The following KAT2B variants were observed in gnomAD, a reference collection of about 807,000 sequenced individuals.
The protein encoded by KAT2B is histone acetyltransferase KAT2B.
In KAT2B, 36 loss-of-function variants were observed where a neutral mutation model predicts 105.9. The ratio of observed to expected loss-of-function variants is 0.34; its 90% CI spans 0.26 to 0.45. KAT2B has a LOEUF of 0.45. KAT2B is among the 20% of genes least tolerant of loss of function. The probability of loss-of-function intolerance (pLI) is 1.00; values close to 1 mark genes in which losing one functional copy is unlikely to be tolerated. For missense variants in KAT2B, 820 were observed against 1,021.6 expected (o/e 0.80, Z 2.69); for synonymous variants, 397 against 377.9 (o/e 1.05, Z -0.59).
intron 1 of KAT2B, among the ~76,000 whole-genome samples, chr3:20,070,737 G>A (rs377268559): frequency 2.6e-4 from 39 of 151,904 alleles, no homozygotes; most frequent in East Asian, 2.1e-3. Flanking sequence ...TGCTGGTCAC[G>A]GTGGCGCACG....
intron 9 of KAT2B, 47 bp downstream of exon 9, chr3:20,122,851 C>G (rs1476380291): frequency 3.2e-6 from 5 of 1,558,546 alleles, no homozygotes; most frequent in Non-Finnish European, 4.3e-6. Context: ...CTCTTCTGCT[C>G]TCCTGGCCAC....
chr3:20,136,119 A>G (rs1488139765), intron 11 of KAT2B, among the ~76,000 whole-genome samples: 1 of 152,182 alleles, frequency 6.6e-6, no homozygotes, highest in Non-Finnish European at 1.5e-5. Context: ...ATACCTGGGA[A>G]TATATTTGAG....
chr3:20,094,592 A>G (rs1396749033), intron 2 of KAT2B, among the ~76,000 whole-genome samples: 7 of 152,212 alleles, frequency 4.6e-5, no homozygotes, highest in East Asian at 3.8e-4. Context: ...GAGAGAGTCA[A>G]TGGACAGGTC....
At chr3:20,148,625 G>C in intron 17 of KAT2B, 138 bp downstream of exon 17, 1 of 640,520 alleles carries the variant, frequency 1.6e-6, no homozygotes, top group Non-Finnish European at 2.7e-6. Context: ...TCCATGCACC[G>C]TGGCGGGTCA....
At chr3:20,105,558 C>CTTGAGCCCAGGAGT (rs1303576257) in intron 5 of KAT2B, among the ~76,000 whole-genome samples, 1 of 152,094 alleles carries the variant, frequency 6.6e-6, no homozygotes, top group African/African-American at 2.4e-5. Flanking sequence ...GAGAGGATCG[C>CTTGAGCCCAGGAGT]TTGAGCCCAG....
chr3:20,075,777 G>GAGCAACCTACAGC (rs1361645086), intron 2 of KAT2B, among the ~76,000 whole-genome samples: 2 of 151,988 alleles, frequency 1.3e-5, no homozygotes, highest in Admixed American at 1.3e-4. Context: ...CAGCAACCTG[G>GAGCAACCTACAGC]AAGCTTGAGC....
At chr3:20,069,839 T>C (rs994828630) in intron 1 of KAT2B, among the ~76,000 whole-genome samples, 2 of 152,124 alleles carry the variant, frequency 1.3e-5, no homozygotes, top group Admixed American at 1.3e-4. Flanking sequence ...AAGCTTTTCT[T>C]GTATCTGCAT....
chr3:20,085,685 G>C lies in KAT2B; in HGVS notation c.431-9578G>C, dbSNP rs187726337. 1.4e-3 allele frequency among the ~76,000 whole-genome samples: 206 copies of C among 151,620 alleles called. 8 individuals are homozygous for C. The East Asian group carries it at 0.036, about 26-fold the overall frequency. ...ACCACCACACCCGGCTATTTTTTGTGTTTTTAGTAGAGACAGGGTTTTGCC... is the reference window on the plus strand; with the variant it reads ...ACCACCACACCCGGCTATTTTTTGTCTTTTTAGTAGAGACAGGGTTTTGCC... On this transcript the variant is annotated intron_variant, in intron 2 of 17. Coordinates refer to ENST00000263754, the MANE Select transcript of KAT2B (RefSeq NM_003884.5).
At chr3:20,095,051 A>C (rs1260137601) in intron 2 of KAT2B, among the ~76,000 whole-genome samples, 1 of 152,114 alleles carries the variant, frequency 6.6e-6, no homozygotes, top group Admixed American at 6.6e-5. Flanking sequence ...TTGGGTGGGG[A>C]GGCTAAGGCT....
rs1697694562 is a variant in KAT2B, at chr3:20,040,586, C to T, written c.109C>T (p.Pro37Ser). 3.4e-6 allele frequency: 4 copies of T among 1,181,240 alleles called. No individual in the cohort carries two copies. Among genetic ancestry groups the T allele is most frequent in the Middle Eastern group, 3.4e-4 (1 of 2,964 alleles). 73.2% of individuals were successfully genotyped at this position (1,181,240 alleles called of 1,614,324 possible). Residue 37 changes from proline to serine, a missense_variant, in exon 1 of 18, where the codon CCG (proline) becomes TCG (serine). Coordinates refer to ENST00000263754, the MANE Select transcript of KAT2B (RefSeq NM_003884.5). ...GCCTGCGGCGCTTCCGCCCGCGCCC[C>T]CGCAGGGCTCCCCCTGCGCCGCTGC... is the stretch of plus-strand genomic sequence containing the variant. ...PQPAALPPAP[P>S]QGSPCAAAAG...
intron 13 of KAT2B, among the ~76,000 whole-genome samples, chr3:20,143,803 T>C (rs895410479): frequency 6.6e-6 from 1 of 152,148 alleles, no homozygotes; most frequent in Non-Finnish European, 1.5e-5. Flanking sequence ...ATACTGCATG[T>C]TTTCTGTTAT....
At chr3:20,094,435 C>A (rs1483363756) in intron 2 of KAT2B, among the ~76,000 whole-genome samples, 4 of 152,096 alleles carry the variant, frequency 2.6e-5, no homozygotes, top group African/African-American at 9.7e-5. Flanking sequence ...TGGGTGGAGA[C>A]ACAGAGCCAA....
At position 20,040,708 on chromosome 3, in the gene KAT2B, G is replaced by A. The variant is rs752263367; in HGVS notation, c.231G>A (p.Val77=). The change falls in exon 1 of 18, where the codon GTG becomes GTA. Residue 77 remains valine, a synonymous_variant. Coordinates refer to ENST00000263754, the MANE Select transcript of KAT2B (RefSeq NM_003884.5). ...GCGGTGGCTCGGCCCGAATCGCCGT[G>A]AAGAAAGCGCAACTACGCTCCGCTC... ...PGGGGSARIA[V]KKAQLRSAPR... The A allele has an allele frequency of 1.3e-5, 21 of 1,590,184 alleles. No individual in the cohort carries two copies. The highest frequency in any genetic ancestry group is 1.7e-5 in the Non-Finnish European group (20 of 1,171,940).
At position 20,095,167 on chromosome 3, in the gene KAT2B, TG is replaced by T; in HGVS notation, c.431-94del. On this transcript the variant is annotated intron_variant, in intron 2 of 17. Transcript: ENST00000263754. Reference sequence around the variant, plus strand: ...ATTACCAGTGAACTTAAAGGATTGATGGTAAGACTGATGAAAGAGGACCTTC... The same window carrying T: ...ATTACCAGTGAACTTAAAGGATTGATGTAAGACTGATGAAAGAGGACCTTC... 4.1e-6 allele frequency: 4 copies of T among 975,860 alleles called. No homozygotes were observed. In the South Asian group the frequency reaches 6.4e-5, roughly 16 times the overall value. 60.5% of individuals were successfully genotyped at this position (975,860 alleles called of 1,614,324 possible). A position where few individuals can be genotyped will look rare whatever the true frequency, so the allele number is the denominator to read the frequency against.
At chr3:20,113,723 GCTTC>G (rs1024893372) in intron 6 of KAT2B, among the ~76,000 whole-genome samples, 14 of 152,156 alleles carry the variant, frequency 9.2e-5, no homozygotes, top group Admixed American at 5.2e-4. Context: ...GCTGGGACCG[GCTTC>G]CCAGCACCCA....
At chr3:20,079,109 C>T (rs915453589) in intron 2 of KAT2B, among the ~76,000 whole-genome samples, 5 of 150,884 alleles carry the variant, frequency 3.3e-5, no homozygotes, top group Admixed American at 6.6e-5. Context: ...CCAAGTTAGC[C>T]ACGCTGGTCT....
At chr3:20,143,839 T>C (rs967124297) in intron 13 of KAT2B, among the ~76,000 whole-genome samples, 5 of 152,068 alleles carry the variant, frequency 3.3e-5, no homozygotes, top group Non-Finnish European at 5.9e-5. Flanking sequence ...ATTGGGGATA[T>C]ATGCTCACAA....
At chr3:20,119,800 G>C in intron 8 of KAT2B, 77 bp downstream of exon 8, 2 of 1,490,194 alleles carry the variant, frequency 1.3e-6, no homozygotes, top group Non-Finnish European at 1.8e-6. Context: ...GCAAAAGGTA[G>C]ACTTGAACCA....
At chr3:20,140,479 C>A in intron 13 of KAT2B, 115 bp downstream of exon 13, 2 of 1,027,038 alleles carry the variant, frequency 1.9e-6, no homozygotes, top group Non-Finnish European at 2.9e-6. Flanking sequence ...TCTCGGTTTG[C>A]TGTGGGTTAT....
Sources: gnomAD v4.1 joint callset for allele counts (sites outside exome capture counted in the v4.1 genomes callset) on GRCh38, gnomAD v4.1.1 for gene constraint, MANE v1.5 for transcripts, NCBI Gene and HGNC (gene_info 2026-07-23, HGNC 2026-07-21) for gene names.